THAP2: variants seen among roughly 807,000 people sequenced by gnomAD.
THAP2 encodes THAP domain containing 2.
THAP2 carries 16 observed loss-of-function variants against 18.8 expected under a neutral mutation model. The ratio of observed to expected loss-of-function variants is 0.85; its 90% CI spans 0.58 to 1.29. The LOEUF (loss-of-function observed/expected upper bound fraction) is 1.29. Ranked by LOEUF, THAP2 falls within the 50% of genes most tolerant of loss-of-function variation. THAP2 has a pLI of 0.00. For synonymous variants in THAP2, 80 were observed against 89.2 expected (o/e 0.90, Z 0.58); for missense variants, 251 against 265.3 (o/e 0.95, Z 0.38).
chr12:71,676,038 G>A lies in THAP2; in HGVS notation c.268-651G>A, dbSNP rs536058891. The stretch of plus-strand genomic sequence containing the variant: ...AAAAAAAAGAATGACGGAGAGGAGA[G>A]GATTCATGGTAGGAATATTTAGTGG... On this transcript the variant is annotated intron_variant, in intron 2 of 2. Coordinates refer to ENST00000308086, the MANE Select transcript of THAP2 (RefSeq NM_031435.4). 1.9e-4 allele frequency among the ~76,000 whole-genome samples: 29 copies of A among 151,860 alleles called. No homozygotes were observed. The South Asian group carries it at 6.0e-3, about 32-fold the overall frequency.
At chr12:71,664,813 TA>T (rs930894090) in intron 1 of THAP2, 5 of 688,156 alleles carry the variant, frequency 7.3e-6, no homozygotes, top group Admixed American at 2.1e-5. Flanking sequence ...TACCCCTTAG[TA>T]AAAAAAAGTA....
chr12:71,669,545 G>A (rs574302312), intron 1 of THAP2, among the ~76,000 whole-genome samples: 18 of 152,282 alleles, frequency 1.2e-4, no homozygotes, highest in South Asian at 1.0e-3. Context: ...TTTAAAGCCT[G>A]ATTTTTAGCT....
chr12:71,665,956 G>A (rs887576422), intron 1 of THAP2, among the ~76,000 whole-genome samples: 1 of 152,162 alleles, frequency 6.6e-6, no homozygotes, highest in African/African-American at 2.4e-5. Context: ...GGGAAATCTT[G>A]CTACAATGTC....
At position 71,678,674 on chromosome 12, in the gene THAP2, A is replaced by G. The variant is rs1881557049; in HGVS notation, c.*1566A>G. 1 of 151,820 alleles carries G rather than the reference A, an allele frequency of 6.6e-6. No homozygotes were observed. Among genetic ancestry groups the G allele is most frequent in the Non-Finnish European group, 1.5e-5 (1 of 67,998 alleles). 9.4% of individuals were successfully genotyped at this position (151,820 alleles called of 1,614,324 possible). ...TAGCTACTTCATGATTTTTTTAAAAATTTCATTTTTTTGCTATTTAGGATT... is the reference window on the plus strand; with the variant it reads ...TAGCTACTTCATGATTTTTTTAAAAGTTTCATTTTTTTGCTATTTAGGATT... On this transcript the variant is annotated 3_prime_UTR_variant, in exon 3 of 3. Transcript: ENST00000308086.
chr12:71,664,662 C>G (rs1277249955), intron 1 of THAP2, 82 bp downstream of exon 1: 2 of 1,497,924 alleles, frequency 1.3e-6, no homozygotes, highest in East Asian at 4.5e-5. Context: ...CAGGAGGATT[C>G]TGCTAATTCT....
chr12:71,670,843 G>A (rs1881424723), intron 1 of THAP2, among the ~76,000 whole-genome samples: 1 of 150,608 alleles, frequency 6.6e-6, no homozygotes, highest in South Asian at 2.1e-4. Flanking sequence ...GGAGGCCGAG[G>A]CAGGAGAATC....
chr12:71,671,119 G>A (rs1339439677), intron 1 of THAP2, among the ~76,000 whole-genome samples: 1 of 151,986 alleles, frequency 6.6e-6, no homozygotes, highest in African/African-American at 2.4e-5. Context: ...AGGGGAGGCA[G>A]GAAAGGCAGG....
At chr12:71,670,839 C>T (rs539465032) in intron 1 of THAP2, among the ~76,000 whole-genome samples, 2 of 148,526 alleles carry the variant, frequency 1.3e-5, no homozygotes, top group South Asian at 2.1e-4. Context: ...CTCAGGAGGC[C>T]GAGGCAGGAG....
rs1029808687 is a variant in THAP2 at position 71,674,199 on chromosome 12, T to A, written c.72-4T>A. Reference sequence around the variant, plus strand: ...AATTTGAGTTGCATTTTTTTTTTTTTAAGGTTTCCTTTGGATCCTAAAAGA... The same window carrying A: ...AATTTGAGTTGCATTTTTTTTTTTTAAAGGTTTCCTTTGGATCCTAAAAGA... On this transcript the variant is annotated splice_polypyrimidine_tract_variant and splice_region_variant and intron_variant, in intron 1 of 2. Transcript: ENST00000308086. 1.3e-6 allele frequency: 2 copies of A among 1,557,520 alleles called. No individual in the cohort carries two copies. The highest frequency in any genetic ancestry group is 2.1e-5 in the Admixed American group (1 of 47,654).
At chr12:71,668,833 A>G (rs576711975) in intron 1 of THAP2, among the ~76,000 whole-genome samples, 1 of 152,342 alleles carries the variant, frequency 6.6e-6, no homozygotes, top group Admixed American at 6.5e-5. Flanking sequence ...TCCTGTTACC[A>G]TCATCTTAAT....
At chr12:71,674,071 G>A in intron 1 of THAP2, 132 bp from the exon 2 acceptor site, 1 of 864,880 alleles carries the variant, frequency 1.2e-6, no homozygotes, top group Non-Finnish European at 1.7e-6. Context: ...TCCAGTGTCT[G>A]GATATTGTTA....
chr12:71,671,594 CT>C (rs1426194724), intron 1 of THAP2, among the ~76,000 whole-genome samples: 2 of 152,220 alleles, frequency 1.3e-5, no homozygotes, highest in Non-Finnish European at 2.9e-5. Flanking sequence ...ACACACTTTT[CT>C]TTAGCAGGAA....
At chr12:71,665,042 T>C (rs1178345890) in intron 1 of THAP2, 2 of 697,520 alleles carry the variant, frequency 2.9e-6, no homozygotes, top group Non-Finnish European at 5.2e-6. Flanking sequence ...AGGAATTGAG[T>C]CATCTTTGAT....
rs1464958308 is a variant in THAP2, at chr12:71,680,644, A to G, written c.*3536A>G. The G allele has an allele frequency of 6.6e-6, 1 of 152,258 alleles. No homozygotes were observed. The highest frequency in any genetic ancestry group is 1.5e-5 in the Non-Finnish European group (1 of 68,034). The allele number at this position is 152,258 out of a possible 1,614,324, so 9.4% of individuals were successfully genotyped here. On this transcript the variant is annotated 3_prime_UTR_variant, in exon 3 of 3. Coordinates refer to ENST00000308086, the MANE Select transcript of THAP2 (RefSeq NM_031435.4). Reference sequence around the variant, plus strand: ...ATATTAAACATTTTTCCCCAAGGAAATTACTGTCATGCCTGTTATTTCTAA... The same window carrying G: ...ATATTAAACATTTTTCCCCAAGGAAGTTACTGTCATGCCTGTTATTTCTAA...
chr12:71,668,218 TCTAG>T (rs1203915783), intron 1 of THAP2, among the ~76,000 whole-genome samples: 1 of 152,200 alleles, frequency 6.6e-6, no homozygotes, highest in Admixed American at 6.5e-5. Context: ...CCCTAACTTC[TCTAG>T]CTGATTCCTA....
intron 1 of THAP2, among the ~76,000 whole-genome samples, chr12:71,670,812 G>A (rs980458060): frequency 2.0e-5 from 3 of 151,294 alleles, no homozygotes; most frequent in East Asian, 1.9e-4. Flanking sequence ...GGTGGCAGGC[G>A]CCTGTAATCC....
chr12:71,667,314 G>A (rs1472835317), intron 1 of THAP2, among the ~76,000 whole-genome samples: 1 of 152,030 alleles, frequency 6.6e-6, no homozygotes, highest in East Asian at 1.9e-4. Flanking sequence ...CTTAAGCCAG[G>A]TCTTCACATT....
chr12:71,668,999 A>T (rs1329226713), intron 1 of THAP2, among the ~76,000 whole-genome samples: 4 of 152,234 alleles, frequency 2.6e-5, no homozygotes, highest in African/African-American at 9.6e-5. Context: ...CATTACACCA[A>T]AATTAAGTAT....
intron 1 of THAP2, among the ~76,000 whole-genome samples, chr12:71,670,024 T>C (rs1881408854): frequency 6.6e-6 from 1 of 151,918 alleles, no homozygotes; most frequent in African/African-American, 2.4e-5. Flanking sequence ...TGTGGAGTGA[T>C]ATACAGATGT....
Sources: gnomAD v4.1 joint callset for allele counts (sites outside exome capture counted in the v4.1 genomes callset) on GRCh38, gnomAD v4.1.1 for gene constraint, MANE v1.5 for transcripts, NCBI Gene and HGNC (gene_info 2026-07-23, HGNC 2026-07-21) for gene names.